ITGA11: variants seen among roughly 807,000 people sequenced by gnomAD.
ITGA11 encodes the protein integrin subunit alpha 11, also known as integrin alpha-11.
In ITGA11, 97 loss-of-function variants were observed where a neutral mutation model predicts 141.9. That is an observed-to-expected ratio of 0.68 (90% CI 0.58 to 0.81). ITGA11 has a LOEUF of 0.81. Among genes scored for constraint, ITGA11 ranks in the 30% least tolerant of loss-of-function variants. ITGA11 has a pLI of 0.00. For synonymous variants in ITGA11, 658 were observed against 624.6 expected (o/e 1.05, Z -0.80); for missense variants, 1,387 against 1,559.2 (o/e 0.89, Z 1.86).
At chr15:68,394,512 GA>G (rs1455722761) in intron 2 of ITGA11, among the ~76,000 whole-genome samples, 1 of 151,410 alleles carries the variant, frequency 6.6e-6, no homozygotes, top group Non-Finnish European at 1.5e-5. Context: ...AAAAGGGTCA[GA>G]AAATCAACAA....
intron 1 of ITGA11, among the ~76,000 whole-genome samples, chr15:68,431,319 C>A (rs1389814419): frequency 6.6e-6 from 1 of 152,234 alleles, no homozygotes; most frequent in Non-Finnish European, 1.5e-5. Context: ...TGAATAATTG[C>A]ATAATTCCGA....
chr15:68,336,199 C>T (rs1416592817), intron 11 of ITGA11: 2 of 257,954 alleles, frequency 7.8e-6, no homozygotes, highest in Non-Finnish European at 1.5e-5. Flanking sequence ...GTAGGGCAGA[C>T]TCTAGCCTCA....
intron 18 of ITGA11, among the ~76,000 whole-genome samples, chr15:68,323,714 G>A (rs75576664): frequency 5.6e-3 from 855 of 152,222 alleles, no homozygotes; most frequent in Middle Eastern, 0.037. Context: ...CCCTGCCTTG[G>A]TGATGCTGTC....
chr15:68,370,944 C>G (rs1178451043), intron 2 of ITGA11, among the ~76,000 whole-genome samples: 1 of 152,158 alleles, frequency 6.6e-6, no homozygotes, highest in Non-Finnish European at 1.5e-5. Context: ...CACCTTGGCG[C>G]TGTCAGGAAG....
chr15:68,318,055 G>A (rs1343351309), intron 20 of ITGA11, among the ~76,000 whole-genome samples: 4 of 152,178 alleles, frequency 2.6e-5, no homozygotes, highest in Admixed American at 2.6e-4. Context: ...TTGGCTGAGA[G>A]GGGTGCTTTC....
At chr15:68,403,208 G>A (rs1049571111) in intron 1 of ITGA11, among the ~76,000 whole-genome samples, 179 bp from the exon 2 acceptor site, 5 of 152,150 alleles carry the variant, frequency 3.3e-5, no homozygotes, top group Non-Finnish European at 7.4e-5. Flanking sequence ...GTCCTTGCCT[G>A]GTAGGGCCCA....
Position 68,312,763 on chromosome 15 carries a change from C to A in ITGA11, c.2973+10G>T. 1 of 1,605,694 alleles carries A rather than the reference C, an allele frequency of 6.2e-7. No homozygotes were observed. The highest frequency in any genetic ancestry group is 1.1e-5 in the South Asian group (1 of 90,802). Reference sequence around the variant, plus strand: ...CCTTCCCCCTCTACCCGGCTCCCCTCCAGCCTCACCCTGAAGATGCAGCTG... The same window carrying A: ...CCTTCCCCCTCTACCCGGCTCCCCTACAGCCTCACCCTGAAGATGCAGCTG... On this transcript the variant is annotated intron_variant, in intron 24 of 29. Coordinates refer to ENST00000315757, the MANE Select transcript of ITGA11 (RefSeq NM_001004439.2).
At chr15:68,320,950 C>G (rs752575521) in intron 19 of ITGA11, among the ~76,000 whole-genome samples, 1 of 151,958 alleles carries the variant, frequency 6.6e-6, no homozygotes, top group Non-Finnish European at 1.5e-5. Flanking sequence ...CTTGTATGTT[C>G]GTTTGTCTCT....
chr15:68,340,646 T>C (rs1159632872), intron 10 of ITGA11: 1 of 152,172 alleles, frequency 6.6e-6, no homozygotes, highest in African/African-American at 2.4e-5. Flanking sequence ...AAGGGGAAGC[T>C]GCAATGCTTG....
intron 1 of ITGA11, among the ~76,000 whole-genome samples, chr15:68,415,679 T>C (rs948064833): frequency 1.3e-5 from 2 of 152,100 alleles, no homozygotes; most frequent in Admixed American, 6.5e-5. Context: ...GAGCCCTAGA[T>C]AGGGATGTGC....
intron 2 of ITGA11, among the ~76,000 whole-genome samples, chr15:68,377,962 C>A (rs199588898): frequency 2.6e-5 from 4 of 152,358 alleles, no homozygotes; most frequent in East Asian, 1.9e-4. Flanking sequence ...AGGCCTGAGT[C>A]CAGGGCCTGT....
chr15:68,314,237 AC>A (rs1893493320), intron 22 of ITGA11, among the ~76,000 whole-genome samples: 1 of 152,128 alleles, frequency 6.6e-6, no homozygotes, highest in Admixed American at 6.5e-5. Flanking sequence ...GGGAGATGAC[AC>A]CTGTGGCAAA....
At position 68,320,487 on chromosome 15, in the gene ITGA11, G is replaced by A. The variant is rs1241032350; in HGVS notation, c.2409-95C>T. 8 of 952,266 alleles carry A rather than the reference G, an allele frequency of 8.4e-6. No individual in the cohort carries two copies. The East Asian group carries it at 1.8e-4, about 22-fold the overall frequency. 59.0% of individuals were successfully genotyped at this position (952,266 alleles called of 1,614,324 possible). A position where few individuals can be genotyped will look rare whatever the true frequency, so the allele number is the denominator to read the frequency against. ...GGTTGGGGCAAAAAGGTGGGTCTGG[G>A]CACTTGACTGGCCTCTGCTCATGGG... On this transcript the variant is annotated intron_variant, in intron 19 of 29. Coordinates refer to ENST00000315757, the MANE Select transcript of ITGA11 (RefSeq NM_001004439.2).
intron 2 of ITGA11, among the ~76,000 whole-genome samples, chr15:68,401,226 G>A (rs1896502038): frequency 6.6e-6 from 1 of 151,804 alleles, no homozygotes; most frequent in Non-Finnish European, 1.5e-5. Context: ...GTGAAGACAT[G>A]TCACAACCAG....
chr15:68,321,529 G>GC lies in ITGA11; in HGVS notation c.2323-27dup. On this transcript the variant is annotated intron_variant, in intron 18 of 29. Coordinates refer to ENST00000315757, the MANE Select transcript of ITGA11 (RefSeq NM_001004439.2). This position sits in a 1 kb window ranked among gnomAD's most constrained non-coding sequence, Gnocchi z 4.9. ...CTGGGCCAGGGAGAGCCAGGTGTGGGCAGCTGGGTAGGGACCCGCAGCCCC... is the reference window on the plus strand; with the variant it reads ...CTGGGCCAGGGAGAGCCAGGTGTGGGCCAGCTGGGTAGGGACCCGCAGCCCC... 2 of 1,547,424 alleles carry GC rather than the reference G, an allele frequency of 1.3e-6. No individual in the cohort carries two copies. The highest frequency in any genetic ancestry group is 1.8e-6 in the Non-Finnish European group (2 of 1,134,642).
intron 1 of ITGA11, among the ~76,000 whole-genome samples, chr15:68,428,074 A>G (rs1380525380): frequency 6.6e-6 from 1 of 152,154 alleles, no homozygotes; most frequent in Admixed American, 6.5e-5. Flanking sequence ...TCCTAGAACA[A>G]TGTTCGACTT....
intron 2 of ITGA11, among the ~76,000 whole-genome samples, chr15:68,372,710 G>A (rs1895628280): frequency 6.6e-6 from 1 of 152,112 alleles, no homozygotes; most frequent in African/African-American, 2.4e-5. Context: ...CCTCTGCTGG[G>A]CTCCTTGGCT....
intron 2 of ITGA11, among the ~76,000 whole-genome samples, chr15:68,400,869 TTA>T (rs1335643403): frequency 1.3e-5 from 1 of 77,728 alleles, no homozygotes; most frequent in Non-Finnish European, 2.3e-5. Context: ...AAATATAATA[TTA>T]TATATTATAT....
At chr15:68,394,696 T>TA (rs1220536369) in intron 2 of ITGA11, among the ~76,000 whole-genome samples, 9 of 151,466 alleles carry the variant, frequency 5.9e-5, no homozygotes, top group Non-Finnish European at 1.2e-4. Context: ...GCAAGACTGA[T>TA]AAAAAATAAG....
Sources: allele counts gnomAD v4.1 joint callset (sites outside exome capture counted in the v4.1 genomes callset), GRCh38; gene constraint gnomAD v4.1.1; non-coding constraint Gnocchi (gnomAD v3.1); transcripts MANE v1.5; gene names NCBI Gene and HGNC (gene_info 2026-07-23, HGNC 2026-07-21).